Variants in RALY observed in about 807,000 individuals in gnomAD.
The protein encoded by RALY is RNA-binding protein Raly.
Under a neutral mutation model 30.7 loss-of-function variants are expected in RALY, and 15 were observed. The ratio of observed to expected loss-of-function variants is 0.49; its 90% CI spans 0.33 to 0.75. The LOEUF (loss-of-function observed/expected upper bound fraction) is 0.75, where lower values mean the gene tolerates loss of function less well. RALY is among the 30% of genes least tolerant of loss of function. RALY has a pLI of 0.02. For missense variants in RALY, 339 were observed against 414.3 expected (o/e 0.82, Z 1.58); for synonymous variants, 177 against 170.8 (o/e 1.04, Z -0.28).
chr20:34,015,027 A>C (rs2031551614), intron 1 of RALY: 1 of 152,236 alleles, frequency 6.6e-6, no homozygotes, highest in African/African-American at 2.4e-5. Flanking sequence ...GAAATCTTGG[A>C]AGCTTCTAGA....
At chr20:34,069,709 A>G (rs886911289) in intron 2 of RALY, among the ~76,000 whole-genome samples, 1 of 152,214 alleles carries the variant, frequency 6.6e-6, no homozygotes, top group South Asian at 2.1e-4. Flanking sequence ...AAAAACATGT[A>G]TTGAGCATTT....
chr20:34,009,293 C>CA (rs1282674745), intron 1 of RALY, among the ~76,000 whole-genome samples: 1 of 151,856 alleles, frequency 6.6e-6, no homozygotes, highest in Non-Finnish European at 1.5e-5. Context: ...AAGCTGGAGT[C>CA]AGTGGCATGA....
chr20:34,000,724 A>G (rs1465426802), intron 1 of RALY, among the ~76,000 whole-genome samples: 3 of 152,182 alleles, frequency 2.0e-5, no homozygotes, highest in Admixed American at 1.3e-4. Flanking sequence ...CTTAGAGGGT[A>G]CATACTTGAG....
chr20:34,072,379 T>C lies in RALY; in HGVS notation c.256+49T>C, dbSNP rs1380773263. On this transcript the variant is annotated intron_variant, in intron 3 of 9. Transcript: ENST00000246194. ...TCCTAGTATTCTCTAGAATAGCTGC[T>C]ATCACTATCCAGTTCTCAACCCCCT... The C allele has an allele frequency of 2.5e-6, 4 of 1,573,002 alleles. No homozygotes were observed. The Admixed American group carries it at 6.9e-5, about 27-fold the overall frequency.
chr20:34,028,116 T>A (rs1233176273), intron 1 of RALY, among the ~76,000 whole-genome samples: 1 of 151,940 alleles, frequency 6.6e-6, no homozygotes, highest in Non-Finnish European at 1.5e-5. Flanking sequence ...TGAAACTCCG[T>A]CTCCACTAAA....
intron 1 of RALY, among the ~76,000 whole-genome samples, chr20:34,024,187 A>G (rs984188111): frequency 5.3e-5 from 8 of 152,142 alleles, no homozygotes; most frequent in South Asian, 2.1e-4. Flanking sequence ...CATCAGGGGC[A>G]TGAAAGCCAT....
Position 34,076,742 on chromosome 20 carries a change from A to G in RALY, c.585A>G (p.Thr195=), listed in dbSNP as rs2033889944. 2 of 1,614,036 alleles carry G rather than the reference A, an allele frequency of 1.2e-6. No homozygotes were observed. Among genetic ancestry groups the G allele is most frequent in the Middle Eastern group, 1.6e-4 (1 of 6,082 alleles). Residue 195 remains threonine, a synonymous_variant, in exon 7 of 10, where the codon ACA becomes ACG. Transcript: ENST00000246194. ...SELQAIKTEL[T]QIKSNIDALL... is the part of the protein sequence containing the mutation. ...TGCAGGCCATCAAGACGGAGCTGACACAGATCAAGTCCAATATCGATGCCC... is the reference window on the plus strand; with the variant it reads ...TGCAGGCCATCAAGACGGAGCTGACGCAGATCAAGTCCAATATCGATGCCC...
At chr20:34,004,496 G>A (rs1181782822) in intron 1 of RALY, among the ~76,000 whole-genome samples, 1 of 152,214 alleles carries the variant, frequency 6.6e-6, no homozygotes. Context: ...GGAACAACTT[G>A]AGTAGAGGCA....
chr20:34,019,857 C>A (rs2031750402), intron 1 of RALY, among the ~76,000 whole-genome samples: 2 of 152,036 alleles, frequency 1.3e-5, no homozygotes, highest in Admixed American at 1.3e-4. Context: ...GTCAGGAGAT[C>A]GAGACCATCC....
chr20:34,069,973 T>C (rs1245088898), intron 2 of RALY, among the ~76,000 whole-genome samples: 1 of 152,204 alleles, frequency 6.6e-6, no homozygotes, highest in African/African-American at 2.4e-5. Flanking sequence ...GAGCAGTTTC[T>C]TCCCAAGTTG....
At chr20:34,006,814 CA>C (rs1427392441) in intron 1 of RALY, among the ~76,000 whole-genome samples, 2 of 152,212 alleles carry the variant, frequency 1.3e-5, no homozygotes, top group African/African-American at 4.8e-5. Flanking sequence ...TGTGTAAGTG[CA>C]CACTGGTGTT....
At chr20:34,021,095 G>A (rs867619007) in intron 1 of RALY, among the ~76,000 whole-genome samples, 11 of 152,232 alleles carry the variant, frequency 7.2e-5, no homozygotes, top group Middle Eastern at 6.8e-3. Flanking sequence ...CCAAGTAGCT[G>A]GGATTACAGG....
Position 34,082,428 on chromosome 20 carries a change from C to T in RALY, c.*2523C>T, listed in dbSNP as rs1412763462. The T allele has an allele frequency of 6.6e-6, 1 of 152,246 alleles. No individual in the cohort carries two copies. Among genetic ancestry groups the T allele is most frequent in the Non-Finnish European group, 1.5e-5 (1 of 68,058 alleles). The allele number at this position is 152,246 out of a possible 1,614,324, so 9.4% of individuals were successfully genotyped here. On this transcript the variant is annotated 3_prime_UTR_variant, in exon 10 of 10. Coordinates refer to ENST00000246194, the MANE Select transcript of RALY (RefSeq NM_016732.3). ...ATGCCTGCTGCAGGTCCTACCCAAG[C>T]ATGCTTTACTGAGGAACTCAACGTT...
Position 34,075,911 on chromosome 20 carries a change from G to T in RALY, c.415G>T (p.Val139Leu). ...CCGGGGCCGTCTGTCGCCCGTGCCA[G>T]TGCCCAGGGCGGTCCCTGTGAAGCG... ...DYRGRLSPVP[V>L]PRAVPVKRPR... Residue 139 changes from valine (V) to leucine (L), a missense_variant, in exon 6 of 10, where the codon GTG becomes TTG. Around this residue, in one of 2 missense-constraint regions of RALY, gnomAD observed 268 missense variants for 280.6 expected, o/e 0.95. Coordinates refer to ENST00000246194, the MANE Select transcript of RALY (RefSeq NM_016732.3). 6.2e-7 allele frequency: 1 copy of T among 1,614,062 alleles called. No individual in the cohort carries two copies.
intron 1 of RALY, among the ~76,000 whole-genome samples, chr20:34,001,018 A>G (rs1452176458): frequency 6.6e-6 from 1 of 152,222 alleles, no homozygotes; most frequent in Non-Finnish European, 1.5e-5. Flanking sequence ...AAGTATTGAG[A>G]GTATCTCAGA....
intron 4 of RALY, 43 bp downstream of exon 4, chr20:34,073,678 C>T: frequency 6.5e-7 from 1 of 1,545,582 alleles, no homozygotes; most frequent in Non-Finnish European, 8.9e-7. Context: ...GGATGACTCT[C>T]TCTTTCCACA....
intron 1 of RALY, among the ~76,000 whole-genome samples, chr20:34,009,776 A>G (rs536998558): frequency 6.6e-6 from 1 of 152,296 alleles, no homozygotes; most frequent in African/African-American, 2.4e-5. Flanking sequence ...AAGTTTGTCA[A>G]AGCCACACCA....
intron 1 of RALY, among the ~76,000 whole-genome samples, chr20:34,019,841 C>T (rs996161494): frequency 6.6e-6 from 1 of 152,096 alleles, no homozygotes; most frequent in Non-Finnish European, 1.5e-5. Context: ...GCGGGCGGAT[C>T]ACGAGGTCAG....
Position 34,072,232 on chromosome 20 carries a change from T to C in RALY, c.158T>C (p.Val53Ala). The C allele has an allele frequency of 6.2e-7, 1 of 1,614,266 alleles. No homozygotes were observed. Among genetic ancestry groups the C allele is most frequent in the Non-Finnish European group, 8.5e-7 (1 of 1,180,052 alleles). ...TATGGCCGTGTGGCCGGCTGTTCTGTGCACAAGGGCTATGCCTTTGTTCAG... is the reference window on the plus strand; with the variant it reads ...TATGGCCGTGTGGCCGGCTGTTCTGCGCACAAGGGCTATGCCTTTGTTCAG... ...SKYGRVAGCS[V>A]HKGYAFVQYS... Residue 53 changes from valine (V) to alanine (A), a missense_variant, in exon 3 of 10, where the codon GTG (valine) becomes GCG (alanine). Physicochemically the swap from Val to Ala is moderately conservative, Grantham distance 64 (BLOSUM62 0). Transcript: ENST00000246194.
Sources: allele counts gnomAD v4.1 joint callset (sites outside exome capture counted in the v4.1 genomes callset), GRCh38; gene constraint gnomAD v4.1.1; regional missense constraint gnomAD v4.1.1; transcripts MANE v1.5; gene names NCBI Gene and HGNC (gene_info 2026-07-23, HGNC 2026-07-21).